LEPR: variants seen among roughly 807,000 people sequenced by gnomAD.
LEPR encodes the protein OB receptor.
A neutral mutation model predicts 114.7 loss-of-function variants in LEPR; 56 were observed. The ratio of observed to expected loss-of-function variants is 0.49; its 90% CI spans 0.39 to 0.61. LEPR has a LOEUF of 0.61. Among genes scored for constraint, LEPR ranks in the 20% least tolerant of loss-of-function variants. The pLI is 0.00. For missense variants in LEPR, 1,202 were observed against 1,352.9 expected (o/e 0.89, Z 1.75); for synonymous variants, 443 against 461.4 (o/e 0.96, Z 0.51).
intron 2 of LEPR, among the ~76,000 whole-genome samples, chr1:65,548,004 T>A (rs1651916057): frequency 6.6e-6 from 1 of 151,768 alleles, no homozygotes; most frequent in South Asian, 2.1e-4. Flanking sequence ...TCTGGTATGT[T>A]GTGTCTTTGT....
chr1:65,569,178 A>T (rs1427681038), intron 3 of LEPR, among the ~76,000 whole-genome samples: 3 of 152,098 alleles, frequency 2.0e-5, no homozygotes, highest in Non-Finnish European at 4.4e-5. Flanking sequence ...AATTGTCTGG[A>T]TGTACCACAA....
chr1:65,464,783 C>A (rs1175991063), intron 2 of LEPR, among the ~76,000 whole-genome samples: 1 of 152,126 alleles, frequency 6.6e-6, no homozygotes, highest in Admixed American at 6.6e-5. Flanking sequence ...GGAATTAATC[C>A]ATTTCTTCTA....
At chr1:65,634,940 A>G in intron 19 of LEPR, 2 of 811,460 alleles carry the variant, frequency 2.5e-6, no homozygotes, top group Non-Finnish European at 3.0e-6. Context: ...AATAATAGGA[A>G]AGTTGTATTA....
chr1:65,436,579 T>G (rs1355572236), intron 2 of LEPR, among the ~76,000 whole-genome samples: 1 of 152,160 alleles, frequency 6.6e-6, no homozygotes, highest in Non-Finnish European at 1.5e-5. Context: ...ATAAGAAAAG[T>G]CAGTTCCCAA....
chr1:65,549,564 C>G (rs1290245872), intron 2 of LEPR, among the ~76,000 whole-genome samples: 1 of 152,140 alleles, frequency 6.6e-6, no homozygotes, highest in Non-Finnish European at 1.5e-5. Flanking sequence ...TCATTCATTT[C>G]ATCTTCCATC....
chr1:65,428,740 TAAG>T (rs1445313627), intron 2 of LEPR, among the ~76,000 whole-genome samples: 1 of 152,168 alleles, frequency 6.6e-6, no homozygotes, highest in Non-Finnish European at 1.5e-5. Flanking sequence ...TTTTTTTTCT[TAAG>T]AAATGAAGCA....
chr1:65,525,048 C>A (rs1649829512), intron 2 of LEPR, among the ~76,000 whole-genome samples: 1 of 152,094 alleles, frequency 6.6e-6, no homozygotes, highest in African/African-American at 2.4e-5. Flanking sequence ...GGTCATATAG[C>A]TCAATCCCCT....
At chr1:65,535,166 AAC>A (rs1022677928) in intron 2 of LEPR, among the ~76,000 whole-genome samples, 11 of 152,036 alleles carry the variant, frequency 7.2e-5, no homozygotes, top group African/African-American at 2.7e-4. Context: ...TGTGTGTATA[AAC>A]ACAGAGAGAA....
At chr1:65,620,523 T>A (rs1240487772) in intron 17 of LEPR, among the ~76,000 whole-genome samples, 1 of 152,130 alleles carries the variant, frequency 6.6e-6, no homozygotes, top group African/African-American at 2.4e-5. Context: ...AATAATTATA[T>A]AATGTCAGAT....
rs78858665 is a variant in LEPR at position 65,485,278 on chromosome 1, A to G, written c.-21+59900A>G. On this transcript the variant is annotated intron_variant, in intron 2 of 19. Coordinates refer to ENST00000349533, the MANE Select transcript of LEPR (RefSeq NM_002303.6). ...CACGTTCATAATTATGTTAATTTACAACTAACGTATCTTGAATGCTTACCA... is the reference window on the plus strand; with the variant it reads ...CACGTTCATAATTATGTTAATTTACGACTAACGTATCTTGAATGCTTACCA... Among the ~76,000 whole-genome samples the G allele has an allele frequency of 6.1e-3, 932 of 152,318 alleles. 9 individuals carry two copies. Among genetic ancestry groups the G allele is most frequent in the African/African-American group, 0.021 (891 of 41,570 alleles).
intron 2 of LEPR, among the ~76,000 whole-genome samples, chr1:65,426,490 G>C (rs989503730): frequency 6.6e-6 from 1 of 152,100 alleles, no homozygotes; most frequent in Non-Finnish European, 1.5e-5. Context: ...GACTAGATAG[G>C]AAAGAGCTGA....
intron 2 of LEPR, among the ~76,000 whole-genome samples, chr1:65,513,196 A>C (rs1649113005): frequency 6.6e-6 from 1 of 152,196 alleles, no homozygotes; most frequent in East Asian, 1.9e-4. Flanking sequence ...TGGCCTCTGA[A>C]GCCAGCATGC....
chr1:65,499,940 A>G (rs1648357724), intron 2 of LEPR, among the ~76,000 whole-genome samples: 1 of 152,186 alleles, frequency 6.6e-6, no homozygotes, highest in South Asian at 2.1e-4. Context: ...GTCCCCCTCC[A>G]ACTCTCATGT....
At chr1:65,526,827 T>C (rs187747744) in intron 2 of LEPR, among the ~76,000 whole-genome samples, 54 of 152,312 alleles carry the variant, frequency 3.5e-4, no homozygotes, top group African/African-American at 1.2e-3. Flanking sequence ...ATTCCTTAAC[T>C]CTCTTTAACT....
At position 65,639,736 on chromosome 1, in the gene LEPR, A is replaced by G. The variant is rs1374084485; in HGVS notation, c.*2721A>G. 1 of 152,226 alleles carries G rather than the reference A, an allele frequency of 6.6e-6. No homozygotes were observed. The highest frequency in any genetic ancestry group is 1.5e-5 in the Non-Finnish European group (1 of 68,034). The allele number at this position is 152,226 out of a possible 1,614,324, so 9.4% of individuals were successfully genotyped here. On this transcript the variant is annotated 3_prime_UTR_variant, in exon 20 of 20. Transcript: ENST00000349533. ...CTTTCTAAATCTGACCTTCATTGAA[A>G]GCAACTCAGAAATTAATAATTTGTG...
intron 2 of LEPR, among the ~76,000 whole-genome samples, chr1:65,488,210 T>TTCTCTCTC (rs796597694): frequency 1.5e-4 from 4 of 25,854 alleles, no homozygotes; most frequent in African/African-American, 3.6e-4. Context: ...CTTTCTTTCT[T>TTCTCTCTC]TCTCTCTCTC....
At chr1:65,571,237 T>C (rs1654127432) in intron 4 of LEPR, among the ~76,000 whole-genome samples, 1 of 152,188 alleles carries the variant, frequency 6.6e-6, no homozygotes, top group African/African-American at 2.4e-5. Flanking sequence ...ATGCTGGGCT[T>C]AACACCTAGG....
chr1:65,589,447 T>C (rs1655538216), intron 5 of LEPR, among the ~76,000 whole-genome samples: 21 of 152,070 alleles, frequency 1.4e-4, no homozygotes, highest in Admixed American at 1.4e-3. Flanking sequence ...AGTTTGTTCT[T>C]TTATGGATCA....
intron 6 of LEPR, among the ~76,000 whole-genome samples, chr1:65,593,923 C>T (rs901339262): frequency 6.6e-6 from 1 of 151,970 alleles, no homozygotes; most frequent in Non-Finnish European, 1.5e-5. Flanking sequence ...TTAGAGTCAA[C>T]ATTGAGTGCA....
Sources: gnomAD v4.1 joint callset for allele counts (sites outside exome capture counted in the v4.1 genomes callset) on GRCh38, gnomAD v4.1.1 for gene constraint, MANE v1.5 for transcripts, NCBI Gene and HGNC (gene_info 2026-07-23, HGNC 2026-07-21) for gene names.